The following GPATCH2 variants were observed in gnomAD, a reference collection of about 807,000 sequenced individuals.
GPATCH2 encodes the protein G-patch domain containing 2, also known as G patch domain-containing protein 2.
In GPATCH2, 51 loss-of-function variants were observed where a neutral mutation model predicts 58.0. The ratio of observed to expected loss-of-function variants is 0.88; its 90% CI spans 0.70 to 1.11. GPATCH2 has a LOEUF of 1.11. Ranked by LOEUF, GPATCH2 falls within the 50% of genes most tolerant of loss-of-function variation. GPATCH2 has a pLI of 0.00. For missense variants in GPATCH2, 625 were observed against 652.2 expected, an observed-to-expected ratio of 0.96 and a Z score of 0.45; for synonymous variants, 222 against 218.5, an observed-to-expected ratio of 1.02 and a Z score of -0.14.
intron 5 of GPATCH2, among the ~76,000 whole-genome samples, chr1:217,591,073 G>T (rs1157292712): frequency 6.6e-6 from 1 of 152,042 alleles, no homozygotes; most frequent in Non-Finnish European, 1.5e-5. Flanking sequence ...ACTCAAAAGG[G>T]TCACCAAGAT....
chr1:217,462,540 A>C (rs1324815112), intron 8 of GPATCH2, among the ~76,000 whole-genome samples: 1 of 152,176 alleles, frequency 6.6e-6, no homozygotes, highest in Non-Finnish European at 1.5e-5. Flanking sequence ...TGTATAAATT[A>C]TCCACCATTT....
chr1:217,610,830 G>A (rs1668585535), intron 4 of GPATCH2, 59 bp downstream of exon 4: 2 of 1,163,740 alleles, frequency 1.7e-6, no homozygotes, highest in African/African-American at 1.5e-5. Context: ...CTCCTTGAAT[G>A]AATATTCCTA....
rs192718551 is a variant in GPATCH2, at chr1:217,619,992, A to G, written c.564T>C (p.Cys188=). 6.2e-7 allele frequency: 1 copy of G among 1,613,932 alleles called. No individual in the cohort carries two copies. Among genetic ancestry groups the G allele is most frequent in the Non-Finnish European group, 8.5e-7 (1 of 1,179,936 alleles). ...KRTMTQPPEG[C]RDQDMDSDRA... is the part of the protein sequence containing the mutation. ...TATCACTGTCCATGTCCTGATCTCT[A>G]CAACCCTCAGGTGGCTGGGTCATTG... Residue 188 remains cysteine, a synonymous_variant, in exon 2 of 10, where the codon TGT becomes TGC. Coordinates refer to ENST00000366935, the MANE Select transcript of GPATCH2 (RefSeq NM_018040.5).
chr1:217,514,035 C>A (rs1662994840), intron 6 of GPATCH2, among the ~76,000 whole-genome samples: 1 of 151,990 alleles, frequency 6.6e-6, no homozygotes, highest in South Asian at 2.1e-4. Context: ...ATATGTTGGC[C>A]AGGCTGGTCT....
chr1:217,457,299 T>G (rs1381745129), intron 8 of GPATCH2, among the ~76,000 whole-genome samples: 1 of 152,240 alleles, frequency 6.6e-6, no homozygotes, highest in African/African-American at 2.4e-5. Flanking sequence ...TTATCAATGT[T>G]TGAGAAGGCT....
Position 217,435,590 on chromosome 1 carries a change from C to G in GPATCH2, c.1367-4225G>C, listed in dbSNP as rs141023251. ...CTGTCCCTATCTTGTATTCACAAGG[C>G]ATTTATTAGTTTGTGATCACTCTTT... On this transcript the variant is annotated intron_variant, in intron 9 of 9. Coordinates refer to ENST00000366935, the MANE Select transcript of GPATCH2 (RefSeq NM_018040.5). Among the ~76,000 whole-genome samples the G allele has an allele frequency of 1.6e-3, 242 of 152,306 alleles. 1 individual carries two copies. The highest frequency in any genetic ancestry group is 5.7e-3 in the African/African-American group (236 of 41,568).
intron 8 of GPATCH2, among the ~76,000 whole-genome samples, chr1:217,451,883 A>C (rs184635853): frequency 9.0e-4 from 137 of 152,298 alleles, no homozygotes; most frequent in African/African-American, 3.2e-3. Context: ...ACATTCTTAC[A>C]GTTTAAGCCA....
chr1:217,523,275 C>T lies in GPATCH2; in HGVS notation c.1099-8386G>A, dbSNP rs1022791956. 3.2e-4 allele frequency among the ~76,000 whole-genome samples: 48 copies of T among 151,654 alleles called. 3 individuals carry two copies. The highest frequency in any genetic ancestry group is 1.0e-3 in the African/African-American group (41 of 41,046). On this transcript the variant is annotated intron_variant, in intron 5 of 9. Coordinates refer to ENST00000366935, the MANE Select transcript of GPATCH2 (RefSeq NM_018040.5). ...AGTGGAGGGAAGGTCAGCAGATAAA[C>T]AAGTGAACAAAGGTCTCTGGTTTTC...
At chr1:217,431,638 C>T (rs1256936770) in intron 9 of GPATCH2, among the ~76,000 whole-genome samples, 1 of 152,202 alleles carries the variant, frequency 6.6e-6, no homozygotes, top group Non-Finnish European at 1.5e-5. Context: ...AGCCATAATA[C>T]AACCTACATT....
intron 5 of GPATCH2, among the ~76,000 whole-genome samples, chr1:217,582,676 G>A (rs984506675): frequency 4.6e-5 from 7 of 152,048 alleles, no homozygotes; most frequent in African/African-American, 1.2e-4. Flanking sequence ...TAAATATAAT[G>A]GATTAAATTA....
At chr1:217,493,953 G>A (rs567559439) in intron 7 of GPATCH2, among the ~76,000 whole-genome samples, 1 of 148,796 alleles carries the variant, frequency 6.7e-6, no homozygotes, top group African/African-American at 2.6e-5. Context: ...CAAACCAAAT[G>A]TTATGGAAAA....
At chr1:217,618,282 T>C (rs1452597739) in intron 2 of GPATCH2, among the ~76,000 whole-genome samples, 1 of 150,200 alleles carries the variant, frequency 6.7e-6, no homozygotes, top group African/African-American at 2.5e-5. Context: ...CGATCTTGGA[T>C]GTCTGTAATC....
At chr1:217,524,312 G>C (rs1421672206) in intron 5 of GPATCH2, among the ~76,000 whole-genome samples, 1 of 151,562 alleles carries the variant, frequency 6.6e-6, no homozygotes, top group Non-Finnish European at 1.5e-5. Flanking sequence ...TGGCGGCTGG[G>C]AAGAGGCGCT....
intron 5 of GPATCH2, among the ~76,000 whole-genome samples, chr1:217,607,513 C>T (rs1571644711): frequency 6.6e-6 from 1 of 152,012 alleles, no homozygotes; most frequent in Admixed American, 6.6e-5. Context: ...TTTGTTCAGC[C>T]GTAAGTTATA....
At chr1:217,472,581 C>T (rs1169064449) in intron 8 of GPATCH2, among the ~76,000 whole-genome samples, 1 of 152,056 alleles carries the variant, frequency 6.6e-6, no homozygotes, top group East Asian at 1.9e-4. Context: ...GGATTACAGG[C>T]GTGAGCCACC....
intron 8 of GPATCH2, among the ~76,000 whole-genome samples, chr1:217,475,167 G>A (rs548777511): frequency 1.3e-5 from 2 of 152,276 alleles, no homozygotes; most frequent in South Asian, 2.1e-4. Flanking sequence ...GGCTCGGCGC[G>A]GTGGCTCATG....
At chr1:217,530,033 A>G (rs1664112572) in intron 5 of GPATCH2, among the ~76,000 whole-genome samples, 1 of 152,242 alleles carries the variant, frequency 6.6e-6, no homozygotes, top group Admixed American at 6.5e-5. Flanking sequence ...AGGTTACAAA[A>G]TCAACAGTGA....
rs544821145 is a variant in GPATCH2, at chr1:217,428,994, G to T, written c.*2151C>A. On this transcript the variant is annotated 3_prime_UTR_variant, in exon 10 of 10. Transcript: ENST00000366935. ...TGAAAAAGAACAGCCAAGTCCTCAG[G>T]AGTGTGGAACCAGGCTAACAATGAC... The T allele has an allele frequency of 1.3e-5, 2 of 152,216 alleles. No homozygotes were observed. 9.4% of individuals were successfully genotyped at this position (152,216 alleles called of 1,614,324 possible). A position where few individuals can be genotyped will look rare whatever the true frequency, so the allele number is the denominator to read the frequency against.
chr1:217,455,046 T>C (rs1249833111), intron 8 of GPATCH2, among the ~76,000 whole-genome samples: 1 of 152,218 alleles, frequency 6.6e-6, no homozygotes, highest in East Asian at 1.9e-4. Context: ...GACCAGTTCT[T>C]GGCTCTGGTC....
Sources: gnomAD v4.1 joint callset for allele counts (sites outside exome capture counted in the v4.1 genomes callset) on GRCh38, gnomAD v4.1.1 for gene constraint, MANE v1.5 for transcripts, NCBI Gene and HGNC (gene_info 2026-07-23, HGNC 2026-07-21) for gene names.